Variants in DCC observed in about 807,000 individuals in gnomAD.
The protein encoded by DCC is DCC netrin 1 receptor, also known as netrin receptor DCC.
A neutral mutation model predicts 172.5 loss-of-function variants in DCC; 58 were observed. That is an observed-to-expected ratio of 0.34 (90% CI 0.27 to 0.42). The LOEUF (loss-of-function observed/expected upper bound fraction) is 0.42, where lower values mean the gene tolerates loss of function less well. Among genes scored for constraint, DCC ranks in the 10% least tolerant of loss-of-function variants. The pLI, the probability that DCC is intolerant of heterozygous loss-of-function variation, is 1.00. For missense variants in DCC, 1,740 were observed against 1,791.0 expected (o/e 0.97, Z 0.51); for synonymous variants, 709 against 644.5 (o/e 1.10, Z -1.52).
intron 1 of DCC, among the ~76,000 whole-genome samples, chr18:52,681,832 C>T (rs914071467): frequency 1.3e-5 from 2 of 152,124 alleles, no homozygotes; most frequent in Non-Finnish European, 2.9e-5. Context: ...GGGAGAAGTG[C>T]CACTTTTGTG....
rs1598859235 is a variant in DCC at position 53,533,350 on chromosome 18, C to G, written c.*2697C>G. ...CTCTCTGATTCCCATTGGGTGATAC[C>G]TGACAGCCAACCAGCCGCTCTGCCA... is the stretch of plus-strand genomic sequence containing the variant. On this transcript the variant is annotated 3_prime_UTR_variant, in exon 29 of 29. Coordinates refer to ENST00000442544, the MANE Select transcript of DCC (RefSeq NM_005215.4). 1 of 152,112 alleles carries G rather than the reference C, an allele frequency of 6.6e-6. No individual in the cohort carries two copies. 9.4% of individuals were successfully genotyped at this position (152,112 alleles called of 1,614,324 possible).
chr18:52,993,767 A>G (rs897472700), intron 5 of DCC, among the ~76,000 whole-genome samples: 1 of 152,028 alleles, frequency 6.6e-6, no homozygotes, highest in Non-Finnish European at 1.5e-5. Context: ...ACTTTGCGGG[A>G]ATAAGTAACT....
chr18:52,515,928 G>GAAAAAAAAAAAAA, intron 1 of DCC, among the ~76,000 whole-genome samples: 1 of 115,066 alleles, frequency 8.7e-6, no homozygotes, highest in Non-Finnish European at 1.7e-5. Context: ...TTAGAAAATG[G>GAAAAAAAAAAAAA]AAAAAAAAAA....
chr18:52,787,166 G>T (rs544393609), intron 2 of DCC, among the ~76,000 whole-genome samples: 37 of 152,138 alleles, frequency 2.4e-4, no homozygotes, highest in South Asian at 1.7e-3. Flanking sequence ...TTCCAAAAAG[G>T]TTGCTTTAAC....
In DCC at chr18:53,178,966, C is replaced by A. The variant is rs546252561; in HGVS notation, c.1423C>A (p.Arg475=). 6.2e-7 allele frequency: 1 copy of A among 1,613,882 alleles called. No homozygotes were observed. Among genetic ancestry groups the A allele is most frequent in the Admixed American group, 1.7e-5 (1 of 60,004 alleles). The change falls in exon 9 of 29, where the codon CGA becomes AGA. Residue 475 remains arginine (R), a synonymous_variant. Transcript: ENST00000442544. The stretch of plus-strand genomic sequence containing the variant: ...TCTGCAACTTTGATTTCTCAGGGAA[C>A]GAGCATTGAATACAACACAGCCTGG... The part of the protein sequence containing the change: ...FFSREGDNRE[R]ALNTTQPGSL...
At chr18:52,427,819 C>CCTTCCTTCCTTCCTTT (rs1270094616) in intron 1 of DCC, among the ~76,000 whole-genome samples, 2 of 91,292 alleles carry the variant, frequency 2.2e-5, no homozygotes, top group Non-Finnish European at 4.3e-5. Flanking sequence ...TTCCTTTCTT[C>CCTTCCTTCCTTCCTTT]CTTCCTTCCT....
chr18:53,385,237 G>T (rs1258631540), intron 15 of DCC, among the ~76,000 whole-genome samples: 1 of 152,154 alleles, frequency 6.6e-6, no homozygotes, highest in South Asian at 2.1e-4. Context: ...TCTGGAGCAG[G>T]TCTTGTTCTT....
intron 12 of DCC, among the ~76,000 whole-genome samples, chr18:53,232,020 A>G (rs868766916): frequency 7.2e-5 from 11 of 152,190 alleles, no homozygotes; most frequent in Middle Eastern, 3.4e-3. Flanking sequence ...TTTTTGTCAT[A>G]TGTAGGTCTA....
intron 2 of DCC, among the ~76,000 whole-genome samples, chr18:52,874,934 T>A (rs1243460053): frequency 6.6e-6 from 1 of 152,034 alleles, no homozygotes; most frequent in African/African-American, 2.4e-5. Context: ...CAGTGTAGAA[T>A]TGGCTAGGTA....
intron 2 of DCC, among the ~76,000 whole-genome samples, chr18:52,846,608 A>ACACAC (rs2038894958): frequency 2.3e-5 from 3 of 130,492 alleles, no homozygotes; most frequent in Admixed American, 7.8e-5. Flanking sequence ...TGCCACTCCA[A>ACACAC]ACACACACAC....
At chr18:53,265,781 T>C (rs761363674) in intron 12 of DCC, among the ~76,000 whole-genome samples, 4 of 152,212 alleles carry the variant, frequency 2.6e-5, no homozygotes, top group Non-Finnish European at 4.4e-5. Flanking sequence ...CCTTGCCATC[T>C]TATCAGAACC....
chr18:53,225,845 G>C (rs1317318035), intron 12 of DCC, among the ~76,000 whole-genome samples: 1 of 152,116 alleles, frequency 6.6e-6, no homozygotes, highest in Non-Finnish European at 1.5e-5. Flanking sequence ...TAGGCAGATA[G>C]CTGGGTTTTA....
At chr18:52,581,328 T>G (rs72912996) in intron 1 of DCC, among the ~76,000 whole-genome samples, 3,785 of 149,674 alleles carry the variant, frequency 0.025, 76 homozygotes, top group Non-Finnish European at 0.04. Flanking sequence ...AACTATCTCA[T>G]CAGAAATATG....
intron 1 of DCC, among the ~76,000 whole-genome samples, chr18:52,686,689 G>T (rs1437425301): frequency 6.6e-6 from 1 of 152,084 alleles, no homozygotes; most frequent in African/African-American, 2.4e-5. Flanking sequence ...CAAATCAATT[G>T]AGCATGATCC....
chr18:53,198,454 T>TCACACA (rs527863673), intron 9 of DCC, among the ~76,000 whole-genome samples: 1 of 144,614 alleles, frequency 6.9e-6, no homozygotes, highest in South Asian at 2.1e-4. Context: ...TCTCTCTCTC[T>TCACACA]CACACACACA....
chr18:53,291,707 G>A (rs574837254), intron 12 of DCC, among the ~76,000 whole-genome samples: 5 of 152,062 alleles, frequency 3.3e-5, no homozygotes, highest in African/African-American at 7.2e-5. Context: ...GTTTTATTTA[G>A]TACAAACGAA....
intron 8 of DCC, among the ~76,000 whole-genome samples, chr18:53,175,597 A>G (rs2055079690): frequency 6.6e-6 from 1 of 150,894 alleles, no homozygotes; most frequent in African/African-American, 2.4e-5. Context: ...AGAGAATAAA[A>G]TACCTAGGAA....
At chr18:52,738,899 TTA>T (rs2036771173) in intron 1 of DCC, among the ~76,000 whole-genome samples, 3 of 14,772 alleles carry the variant, frequency 2.0e-4, no homozygotes, top group Non-Finnish European at 2.4e-4. Context: ...ATCTGGCTAT[TTA>T]AAAAAAAAAA....
intron 5 of DCC, among the ~76,000 whole-genome samples, chr18:52,983,644 C>T (rs533505747): frequency 1.3e-5 from 2 of 152,194 alleles, no homozygotes; most frequent in South Asian, 4.1e-4. Context: ...TAGAGAAGAT[C>T]CAGCATACCA....
Sources: allele counts gnomAD v4.1 joint callset (sites outside exome capture counted in the v4.1 genomes callset), GRCh38; gene constraint gnomAD v4.1.1; transcripts MANE v1.5; gene names NCBI Gene and HGNC (gene_info 2026-07-23, HGNC 2026-07-21).